The following APC variants were observed in gnomAD, a reference collection of about 807,000 sequenced individuals.
The protein encoded by APC is APC regulator of Wnt signaling pathway, also known as adenomatous polyposis coli protein.
Under a neutral mutation model 247.0 loss-of-function variants are expected in APC, and 72 were observed. That is an observed-to-expected ratio of 0.29 (90% CI 0.24 to 0.35). The LOEUF (loss-of-function observed/expected upper bound fraction) is 0.35, where lower values mean the gene tolerates loss of function less well. APC is among the 10% of genes least tolerant of loss of function. The probability of loss-of-function intolerance (pLI) is 1.00; values close to 1 mark genes in which losing one functional copy is unlikely to be tolerated. For missense variants in APC, 3,400 were observed against 3,360.7 expected, an observed-to-expected ratio of 1.01 and a Z score of -0.29; for synonymous variants, 1,254 against 1,162.5, an observed-to-expected ratio of 1.08 and a Z score of -1.60.
chr5:112,732,928 A>G (rs956688089), upstream of APC, among the ~76,000 whole-genome samples: 6 of 152,264 alleles, frequency 3.9e-5, no homozygotes, highest in East Asian at 1.9e-4. Context: ...TTCATAATAC[A>G]TAATGATCCT....
At chr5:112,720,654 GA>G (rs1393780789) in intron 1 of APC, among the ~76,000 whole-genome samples, 1 of 152,204 alleles carries the variant, frequency 6.6e-6, no homozygotes, top group Non-Finnish European at 1.5e-5. Context: ...GGCATAGGTA[GA>G]AAAATAGGTC....
chr5:112,724,202 A>G (rs1751641627), intron 1 of APC, among the ~76,000 whole-genome samples: 1 of 152,160 alleles, frequency 6.6e-6, no homozygotes, highest in South Asian at 2.1e-4. Context: ...CATCCACTCA[A>G]CAAATAATTA....
chr5:112,785,665 C>G (rs1435982194), intron 6 of APC, among the ~76,000 whole-genome samples: 1 of 152,046 alleles, frequency 6.6e-6, no homozygotes, highest in Non-Finnish European at 1.5e-5. Context: ...ATGATAGAGA[C>G]TAGAAAGAGG....
At chr5:112,817,470 C>G (rs973371164) in intron 9 of APC, among the ~76,000 whole-genome samples, 10 of 152,082 alleles carry the variant, frequency 6.6e-5, no homozygotes, top group Non-Finnish European at 1.5e-4. Flanking sequence ...ATCTCTGGTC[C>G]TCTCCAAAAT....
chr5:112,722,766 G>C (rs530019826), intron 1 of APC, among the ~76,000 whole-genome samples: 1 of 152,164 alleles, frequency 6.6e-6, no homozygotes, highest in Admixed American at 6.5e-5. Flanking sequence ...ATAGGGGCAG[G>C]GGCGCGGAGC....
intron 1 of APC, among the ~76,000 whole-genome samples, chr5:112,721,177 G>A (rs1729778284): frequency 6.6e-6 from 1 of 152,308 alleles, no homozygotes; most frequent in Admixed American, 6.5e-5. Context: ...ACTTTGGGAA[G>A]CCGAGGTGGG....
chr5:112,756,271 A>G (rs1754975644), intron 2 of APC, among the ~76,000 whole-genome samples: 1 of 152,134 alleles, frequency 6.6e-6, no homozygotes, highest in Admixed American at 6.5e-5. Context: ...TTCTACTCTA[A>G]TTAGCCTCTT....
intron 6 of APC, chr5:112,783,690 G>T (rs1264011339): frequency 4.2e-6 from 1 of 237,442 alleles, no homozygotes; most frequent in Non-Finnish European, 8.1e-6. Context: ...AGTTACTTGG[G>T]AGGCTGAGGC....
rs2149978691 is a variant in APC at position 112,842,631 on chromosome 5, C to T, written c.7037C>T (p.Pro2346Leu). 1 of 1,613,912 alleles carries T rather than the reference C, an allele frequency of 6.2e-7. No individual in the cohort carries two copies. The highest frequency in any genetic ancestry group is 8.5e-7 in the Non-Finnish European group (1 of 1,179,866). The change falls in exon 16 of 16, where the codon CCA becomes CTA. Residue 2346 changes from proline to leucine, a missense_variant. Transcript: ENST00000257430. Reference sequence around the variant, plus strand: ...CCTCCTAACAAATTATCTCAACTTCCAAGGACATCATCCCCTAGTACTGCT... The same window carrying T: ...CCTCCTAACAAATTATCTCAACTTCTAAGGACATCATCCCCTAGTACTGCT... Reference protein sequence around the residue: ...ISPPNKLSQLPRTSSPSTAST... With the variant: ...ISPPNKLSQLLRTSSPSTAST...
chr5:112,727,207 A>G lies in APC; in HGVS notation c.165+19325A>G, dbSNP rs536830449. On this transcript the variant is annotated intron_variant, in intron 1 of 13. Coordinates refer to the APC transcript ENST00000507379. ...GATTTTTTTTTTTTCATTTTACTTA[A>G]TAGTAAGTTGGGACCCTTGCAAACA... Among the ~76,000 whole-genome samples the G allele has an allele frequency of 1.3e-3, 192 of 151,948 alleles. 1 individual carries two copies. In the Middle Eastern group the frequency reaches 0.014, roughly 11 times the overall value.
chr5:112,791,064 A>T (rs1759529976), intron 6 of APC, among the ~76,000 whole-genome samples: 1 of 152,242 alleles, frequency 6.6e-6, no homozygotes, highest in Non-Finnish European at 1.5e-5. Context: ...AACTAGCTTT[A>T]TGAGACATTT....
At position 112,841,572 on chromosome 5, in the gene APC, C is replaced by G. The variant is rs1561604276; in HGVS notation, c.5978C>G (p.Pro1993Arg). The G allele has an allele frequency of 1.2e-6, 2 of 1,613,974 alleles. No individual in the cohort carries two copies. The highest frequency in any genetic ancestry group is 1.3e-5 in the African/African-American group (1 of 75,034). Residue 1993 changes from proline to arginine, a missense_variant, in exon 16 of 16, where the codon CCT becomes CGT. By Grantham distance (103) the Pro-to-Arg change is moderately radical. Around this residue, in one of 9 missense-constraint regions of APC, gnomAD observed 1,788 missense variants for 1,649.5 expected, o/e 1.08. Coordinates refer to ENST00000257430, the MANE Select transcript of APC (RefSeq NM_000038.6). This position sits in a 1 kb window ranked among gnomAD's most constrained non-coding sequence, Gnocchi z 4.6. ...ENEPIKETEP[P>R]DSQGEPSKPQ... ...GAACCTATCAAAGAGACTGAGCCCC[C>G]TGACTCACAGGGAGAACCAAGTAAA...
rs75598146 is a variant in APC at position 112,795,835 on chromosome 5, C to T, written c.729+3306C>T. On this transcript the variant is annotated intron_variant, in intron 7 of 15. Coordinates refer to ENST00000257430, the MANE Select transcript of APC (RefSeq NM_000038.6). The stretch of plus-strand genomic sequence containing the variant: ...AAGCAAGAAAAATGAATTTTTTCAA[C>T]TCAAGACCCAGGGGATATAATACAA... 1.2e-3 allele frequency among the ~76,000 whole-genome samples: 180 copies of T among 152,170 alleles called. 1 individual carries two copies. Among genetic ancestry groups the T allele is most frequent in the African/African-American group, 4.3e-3 (177 of 41,498 alleles).
At position 112,844,980 on chromosome 5, in the gene APC, C is replaced by G. The variant is rs552154743; in HGVS notation, c.*854C>G. ...AGAATAAATTATTGCTGTATGTAAA[C>G]TGTTACTGAAATTGGTATTTGTTTG... is the stretch of plus-strand genomic sequence containing the variant. On this transcript the variant is annotated 3_prime_UTR_variant, in exon 16 of 16. Transcript: ENST00000257430. The G allele has an allele frequency of 4.3e-6, 1 of 232,270 alleles. No homozygotes were observed. Among genetic ancestry groups the G allele is most frequent in the East Asian group, 6.1e-5 (1 of 16,330 alleles). The allele number at this position is 232,270 out of a possible 1,614,324, so 14.4% of individuals were successfully genotyped here. A position where few individuals can be genotyped will look rare whatever the true frequency, so the allele number is the denominator to read the frequency against.
chr5:112,845,760 A>G lies in APC; in HGVS notation c.*1634A>G, dbSNP rs1266047411. On this transcript the variant is annotated 3_prime_UTR_variant, in exon 16 of 16. Coordinates refer to ENST00000257430, the MANE Select transcript of APC (RefSeq NM_000038.6). Reference sequence around the variant, plus strand: ...TTAACTAAGATAATTTACTTAATATATCTTCCCTGATTTGTTTTAAAAGAT... The same window carrying G: ...TTAACTAAGATAATTTACTTAATATGTCTTCCCTGATTTGTTTTAAAAGAT... 1 of 231,976 alleles carries G rather than the reference A, an allele frequency of 4.3e-6. No homozygotes were observed. The highest frequency in any genetic ancestry group is 5.6e-5 in the Admixed American group (1 of 17,760). 14.4% of individuals were successfully genotyped at this position (231,976 alleles called of 1,614,324 possible).
intron 14 of APC, among the ~76,000 whole-genome samples, chr5:112,834,086 G>A (rs780679418): frequency 1.3e-5 from 2 of 151,590 alleles, no homozygotes; most frequent in Admixed American, 6.6e-5. Context: ...CTGCAGGCGC[G>A]TGCCACCATA....
chr5:112,799,270 T>A (rs1055598599), intron 7 of APC, among the ~76,000 whole-genome samples: 1 of 152,030 alleles, frequency 6.6e-6, no homozygotes, highest in Non-Finnish European at 1.5e-5. Flanking sequence ...AAGCCCTCTT[T>A]ACTACCCCAC....
chr5:112,736,638 G>A (rs750959587), upstream of APC, among the ~76,000 whole-genome samples: 15 of 152,132 alleles, frequency 9.9e-5, no homozygotes, highest in Non-Finnish European at 1.8e-4. Context: ...AGTTTAGGCC[G>A]GGCACAGTGG....
chr5:112,721,137 G>A (rs547985675), intron 1 of APC, among the ~76,000 whole-genome samples: 4 of 152,244 alleles, frequency 2.6e-5, no homozygotes, highest in African/African-American at 7.2e-5. Context: ...TTTGGGGCTG[G>A]GTGCAGTGGT....
Sources: allele counts gnomAD v4.1 joint callset (sites outside exome capture counted in the v4.1 genomes callset), GRCh38; gene constraint gnomAD v4.1.1; regional missense constraint gnomAD v4.1.1; non-coding constraint Gnocchi (gnomAD v3.1); transcripts MANE v1.5; gene names NCBI Gene and HGNC (gene_info 2026-07-23, HGNC 2026-07-21).